The following DRC5 variants were observed in gnomAD, a reference collection of about 807,000 sequenced individuals.
DRC5 encodes the protein T-complex-associated testis-expressed protein 1.
the DRC5 span, among the ~76,000 whole-genome samples, chr6:44,289,977 G>A: frequency 6.6e-6 from 1 of 152,326 alleles, no homozygotes; most frequent in African/African-American, 2.4e-5. Flanking sequence ...ACCAGATGGT[G>A]CTTCCCAGCC....
chr6:44,279,312 C>T, the DRC5 span: 26,673 of 152,442 alleles, frequency 0.17, 2,513 homozygotes, highest in Non-Finnish European at 0.21. Flanking sequence ...GTGGGGTGGG[C>T]TGGGCCTGGC....
the DRC5 span, chr6:44,282,205 C>T: frequency 6.2e-7 from 1 of 1,614,150 alleles, no homozygotes; most frequent in South Asian, 1.1e-5. Flanking sequence ...TCAGACAGCT[C>T]ATTGCCACCG....
the DRC5 span, among the ~76,000 whole-genome samples, chr6:44,296,998 T>C: frequency 6.6e-6 from 1 of 152,278 alleles, no homozygotes; most frequent in Non-Finnish European, 1.5e-5. Context: ...GCCCCTGGGC[T>C]GGCCTCCTCC....
At chr6:44,293,538 A>T in the DRC5 span, among the ~76,000 whole-genome samples, 1 of 152,216 alleles carries the variant, frequency 6.6e-6, no homozygotes, top group South Asian at 2.1e-4. Context: ...ACAGATGAAG[A>T]AACAAGGAAA....
At chr6:44,279,791 G>T in the DRC5 span, 1 of 181,576 alleles carries the variant, frequency 5.5e-6, no homozygotes, top group Non-Finnish European at 1.1e-5. Flanking sequence ...GTGTGTGTGT[G>T]TGTGTTTGAA....
the DRC5 span, among the ~76,000 whole-genome samples, chr6:44,294,556 T>C: frequency 6.6e-6 from 1 of 150,780 alleles, no homozygotes; most frequent in Non-Finnish European, 1.5e-5. Context: ...ACCAGCCTGA[T>C]CAACATGGTG....
chr6:44,280,495 A>G, the DRC5 span: 1 of 790,842 alleles, frequency 1.3e-6, no homozygotes, highest in African/African-American at 1.7e-5. Flanking sequence ...AAGTTTCACA[A>G]AACAATACTT....
At chr6:44,286,618 C>G in the DRC5 span, 2 of 1,245,408 alleles carry the variant, frequency 1.6e-6, no homozygotes, top group Non-Finnish European at 2.2e-6. Flanking sequence ...TGCCTGGGAG[C>G]ACCAGGCAAA....
At chr6:44,288,676 T>G in the DRC5 span, among the ~76,000 whole-genome samples, 1 of 152,160 alleles carries the variant, frequency 6.6e-6, no homozygotes, top group Non-Finnish European at 1.5e-5. Flanking sequence ...TTTTAACTTC[T>G]TTAGTGCCCA....
the DRC5 span, among the ~76,000 whole-genome samples, chr6:44,283,088 C>T: frequency 1.3e-5 from 2 of 152,034 alleles, no homozygotes; most frequent in Admixed American, 1.3e-4. Context: ...AGGCGTGAGC[C>T]ACCGCGCCCG....
chr6:44,293,620 G>C, the DRC5 span, among the ~76,000 whole-genome samples: 2 of 152,148 alleles, frequency 1.3e-5, no homozygotes, highest in Admixed American at 6.5e-5. Flanking sequence ...CCTACCTCTA[G>C]CCACAATACA....
the DRC5 span, among the ~76,000 whole-genome samples, chr6:44,293,263 A>T: frequency 6.7e-6 from 1 of 149,672 alleles, no homozygotes; most frequent in East Asian, 2.0e-4. Flanking sequence ...CCAGCACTTA[A>T]CAGTTACAAG....
chr6:44,289,005 A>AAAAAAAAG, the DRC5 span, among the ~76,000 whole-genome samples: 1 of 143,346 alleles, frequency 7.0e-6, no homozygotes, highest in African/African-American at 2.5e-5. Context: ...AAAAAAAAAA[A>AAAAAAAAG]AAAAAAAAAA....
chr6:44,291,508 C>T, the DRC5 span, among the ~76,000 whole-genome samples: 1 of 152,218 alleles, frequency 6.6e-6, no homozygotes, highest in East Asian at 1.9e-4. Flanking sequence ...CTGACCCCTG[C>T]CCTTGGGGGA....
the DRC5 span, among the ~76,000 whole-genome samples, chr6:44,281,948 T>C: frequency 1.3e-5 from 2 of 152,232 alleles, no homozygotes; most frequent in Admixed American, 1.3e-4. Context: ...CTTAGGTAAC[T>C]GTAAGGATTA....
chr6:44,286,380 C>G, the DRC5 span: 2 of 1,613,978 alleles, frequency 1.2e-6, no homozygotes, highest in Non-Finnish European at 1.7e-6. Flanking sequence ...TGGTGGGCCA[C>G]GTGGCACACG....
the DRC5 span, among the ~76,000 whole-genome samples, chr6:44,296,825 A>C: frequency 6.6e-6 from 1 of 150,494 alleles, no homozygotes; most frequent in East Asian, 2.0e-4. Context: ...GCTTTTGTCT[A>C]CAGCCACCTC....
the DRC5 span, among the ~76,000 whole-genome samples, chr6:44,284,833 T>A: frequency 6.6e-6 from 1 of 152,176 alleles, no homozygotes; most frequent in Non-Finnish European, 1.5e-5. Context: ...TTGGCAGTGA[T>A]CTCCTAGGTA....
the DRC5 span, among the ~76,000 whole-genome samples, chr6:44,285,612 T>C: frequency 6.6e-6 from 1 of 152,230 alleles, no homozygotes; most frequent in Non-Finnish European, 1.5e-5. Flanking sequence ...CCTATTCTAG[T>C]ATCAATTTTA....
Sources: gnomAD v4.1 joint callset for allele counts (sites outside exome capture counted in the v4.1 genomes callset) on GRCh38, gnomAD v4.1.1 for gene constraint, MANE v1.5 for transcripts, NCBI Gene and HGNC (gene_info 2026-07-23, HGNC 2026-07-21) for gene names.